The following SPATA7 variants were observed in gnomAD, a reference collection of about 807,000 sequenced individuals.
The protein encoded by SPATA7 is spermatogenesis associated 7.
In SPATA7, 43 loss-of-function variants were observed where a neutral mutation model predicts 51.8. The ratio of observed to expected loss-of-function variants is 0.83; its 90% CI spans 0.65 to 1.07. The LOEUF (loss-of-function observed/expected upper bound fraction) is 1.07. SPATA7 is among the 50% of genes least tolerant of loss of function. The pLI, the probability that SPATA7 is intolerant of heterozygous loss-of-function variation, is 0.00. For synonymous variants in SPATA7, 230 were observed against 252.8 expected (o/e 0.91, Z 0.86); for missense variants, 683 against 701.3 (o/e 0.97, Z 0.30).
intron 4 of SPATA7, chr14:88,468,865 C>T: frequency 6.2e-7 from 1 of 1,610,994 alleles, no homozygotes. Context: ...TCCCTCTCTT[C>T]CCCAGCCTCA....
Position 88,412,515 on chromosome 14 carries a change from G to A in SPATA7, c.239-4196G>A, listed in dbSNP as rs10146145. Among the ~76,000 whole-genome samples, 770 of 152,182 alleles carry A rather than the reference G, an allele frequency of 5.1e-3. 5 individuals are homozygous for A. Among genetic ancestry groups the A allele is most frequent in the African/African-American group, 0.018 (739 of 41,524 alleles). On this transcript the variant is annotated intron_variant, in intron 4 of 11. Coordinates refer to ENST00000393545, the MANE Select transcript of SPATA7 (RefSeq NM_018418.5). ...CTTCACGTTTTTCTGCCTGCTTTAT[G>A]TTCGCTCGCAGCTGATTAGATGGTG...
At chr14:88,426,178 C>G in intron 5 of SPATA7, 54 bp from the exon 6 acceptor site, 1 of 1,299,912 alleles carries the variant, frequency 7.7e-7, no homozygotes, top group Non-Finnish European at 1.1e-6. Flanking sequence ...CTCAAAATCC[C>G]CAATTACATG....
Position 88,427,657 on chromosome 14 carries a change from G to A in SPATA7, c.873G>A (p.Glu291=). ...LSFKSELGTA[E]TKNMTDSEMN... is the part of the protein sequence containing the mutation. ...TTAAATCTGAGTTGGGGACAGCTGA[G>A]ACTAAAAACATGACAGATTCAGAAA... The change falls in exon 7 of 12, where the codon GAG becomes GAA. Residue 291 remains glutamate, a synonymous_variant. Transcript: ENST00000393545. The A allele has an allele frequency of 1.2e-6, 2 of 1,610,128 alleles. No individual in the cohort carries two copies. Among genetic ancestry groups the A allele is most frequent in the African/African-American group, 1.3e-5 (1 of 74,922 alleles).
intron 4 of SPATA7, among the ~76,000 whole-genome samples, chr14:88,398,774 C>G (rs1042564305): frequency 6.6e-6 from 1 of 152,062 alleles, no homozygotes; most frequent in South Asian, 2.1e-4. Flanking sequence ...AAATATCAGC[C>G]AGGTGCAGTG....
At chr14:88,429,564 T>C in intron 8 of SPATA7, 101 bp downstream of exon 8, 1 of 707,098 alleles carries the variant, frequency 1.4e-6, no homozygotes, top group Non-Finnish European at 2.5e-6. Context: ...AATTGCATGC[T>C]CCAATCTATT....
At chr14:88,458,197 TTG>T (rs2077296799), downstream of SPATA7, among the ~76,000 whole-genome samples, 1 of 152,204 alleles carries the variant, frequency 6.6e-6, no homozygotes, top group Non-Finnish European at 1.5e-5. Context: ...TCTTTTTTTG[TTG>T]TGTCTTTGTC....
rs200780988 is a variant in SPATA7 at position 88,385,787 on chromosome 14, G to A, written c.-32G>A. On this transcript the variant is annotated 5_prime_UTR_variant, in exon 1 of 12. In the 5' UTR this introduces an upstream ATG that the reference lacks. Coordinates refer to ENST00000393545, the MANE Select transcript of SPATA7 (RefSeq NM_018418.5). ...CGGGAAGGACCGAAGGGGATACAGC[G>A]TGTCCCTGCGGCGGCTGCAAGAGGA... 8.8e-6 allele frequency: 14 copies of A among 1,595,714 alleles called. No individual in the cohort carries two copies. The African/African-American group carries it at 1.6e-4, about 18-fold the overall frequency.
In SPATA7 at chr14:88,468,863, T is replaced by TCTG. The variant is rs2077407272; in HGVS notation, c.255-984_255-983insCTG. The TCTG allele has an allele frequency of 2.5e-6, 4 of 1,610,706 alleles. No homozygotes were observed. In the African/African-American group the frequency reaches 5.3e-5, roughly 22 times the overall value. ...GCTATTAAGTCACTATGTCCCTCTC[T>TCTG]TCCCCAGCCTCATTTCCACCCAAAA... On this transcript the variant is annotated intron_variant, in intron 4 of 4. Transcript: ENST00000556406.
intron 4 of SPATA7, among the ~76,000 whole-genome samples, chr14:88,405,700 A>G (rs1437684041): frequency 6.6e-6 from 1 of 152,214 alleles, no homozygotes; most frequent in Non-Finnish European, 1.5e-5. Flanking sequence ...GAGAGGAGAA[A>G]GCAAAGCAGT....
intron 5 of SPATA7, among the ~76,000 whole-genome samples, chr14:88,424,801 A>G (rs1187663089): frequency 6.6e-6 from 1 of 152,180 alleles, no homozygotes; most frequent in African/African-American, 2.4e-5. Context: ...GCTTTGAGTA[A>G]TGTTGTCTTG....
At chr14:88,435,302 G>T (rs1032619462) in intron 10 of SPATA7, among the ~76,000 whole-genome samples, 17 of 152,040 alleles carry the variant, frequency 1.1e-4, no homozygotes, top group Admixed American at 2.0e-4. Flanking sequence ...TTAAAATTTT[G>T]TGAGGTACAC....
intron 5 of SPATA7, among the ~76,000 whole-genome samples, chr14:88,420,288 T>G (rs2076605711): frequency 6.6e-6 from 1 of 152,126 alleles, no homozygotes; most frequent in Admixed American, 6.5e-5. Flanking sequence ...TAGTCCACAC[T>G]CAGTCTTTAG....
intron 3 of SPATA7, among the ~76,000 whole-genome samples, chr14:88,452,865 C>G (rs1462327068): frequency 6.6e-6 from 1 of 152,204 alleles, no homozygotes; most frequent in African/African-American, 2.4e-5. Flanking sequence ...GCCATCCTCT[C>G]CGAAGCACCC....
intron 10 of SPATA7, among the ~76,000 whole-genome samples, chr14:88,434,511 C>A (rs1449908809): frequency 1.3e-5 from 2 of 151,712 alleles, no homozygotes; most frequent in African/African-American, 4.8e-5. Context: ...ATGGTGAAAC[C>A]TCATCTCTAC....
intron 4 of SPATA7, among the ~76,000 whole-genome samples, chr14:88,404,610 G>A (rs908943913): frequency 3.3e-5 from 5 of 151,986 alleles, no homozygotes; most frequent in East Asian, 1.9e-4. Flanking sequence ...CCAGCTACTC[G>A]GGAGGCTGAG....
At chr14:88,456,351 G>A (rs2077283928), downstream of SPATA7, among the ~76,000 whole-genome samples, 1 of 152,030 alleles carries the variant, frequency 6.6e-6, no homozygotes, top group African/African-American at 2.4e-5. Context: ...CAGTGTAAAA[G>A]TGTTCCTATT....
In SPATA7 at chr14:88,437,842, A is replaced by T. The variant is rs886050873; in HGVS notation, c.1220A>T (p.Lys407Ile). 1.9e-6 allele frequency: 3 copies of T among 1,587,794 alleles called. No individual in the cohort carries two copies. In the Admixed American group the frequency reaches 5.6e-5, roughly 30 times the overall value. Residue 407 changes from lysine to isoleucine, a missense_variant, in exon 12 of 12, where the codon AAA becomes ATA. By Grantham distance (102) the Lys-to-Ile change is moderately radical. Transcript: ENST00000393545. ...CTCATCTTTTCTTAATCCTAGGAAA[A>T]AATGCGCCACCTGCTGCATGTCCTG... The part of the protein sequence containing the change: ...IKQNKHLEEE[K>I]MRHLLHVLKV...
Position 88,438,307 on chromosome 14 carries a change from C to T in SPATA7, c.1685C>T (p.Ser562Leu). 2 of 1,613,816 alleles carry T rather than the reference C, an allele frequency of 1.2e-6. No homozygotes were observed. The highest frequency in any genetic ancestry group is 1.7e-6 in the Non-Finnish European group (2 of 1,179,750). Reference protein sequence around the residue: ...ISNGLCGLNTSPSQSVQFSSV... With the variant: ...ISNGLCGLNTLPSQSVQFSSV... ...AATGGATTATGTGGTCTTAACACAT[C>T]ACCCTCCCAATCTGTTCAGTTCTCC... The change falls in exon 12 of 12, where the codon TCA (serine) becomes TTA (leucine). Residue 562 changes from serine to leucine, a missense_variant. Coordinates refer to ENST00000393545, the MANE Select transcript of SPATA7 (RefSeq NM_018418.5).
rs1375704332 is a variant in SPATA7 at position 88,416,805 on chromosome 14, T to C, written c.333T>C (p.Tyr111=). 9 of 1,606,170 alleles carry C rather than the reference T, an allele frequency of 5.6e-6. No homozygotes were observed. The South Asian group carries it at 9.9e-5, about 18-fold the overall frequency. Residue 111 remains tyrosine, a synonymous_variant, in exon 5 of 12, where the codon TAT becomes TAC. Transcript: ENST00000393545. The part of the protein sequence containing the change: ...KLTKTAMRAN[Y]KNNSKSLFNT... ...CTAAAACTGCAATGCGAGCCAATTA[T>C]AAAAATAATTCCAAGTCACTTTTTA...
Sources: gnomAD v4.1 joint callset for allele counts (sites outside exome capture counted in the v4.1 genomes callset) on GRCh38, gnomAD v4.1.1 for gene constraint, MANE v1.5 for transcripts, NCBI Gene and HGNC (gene_info 2026-07-23, HGNC 2026-07-21) for gene names.